AGBL1: variants seen among roughly 807,000 people sequenced by gnomAD.
AGBL1 encodes the protein cytosolic carboxypeptidase 4.
A neutral mutation model predicts 118.9 loss-of-function variants in AGBL1; 130 were observed. The ratio of observed to expected loss-of-function variants is 1.09; its 90% CI spans 0.95 to 1.26. The LOEUF (loss-of-function observed/expected upper bound fraction) is 1.26, where lower values mean the gene tolerates loss of function less well. Ranked by LOEUF, AGBL1 falls within the 50% of genes most tolerant of loss-of-function variation. The pLI, the probability that AGBL1 is intolerant of heterozygous loss-of-function variation, is 0.00. For synonymous variants in AGBL1, 555 were observed against 478.9 expected (o/e 1.16, Z -2.08); for missense variants, 1,584 against 1,298.1 (o/e 1.22, Z -3.38).
chr15:86,373,794 T>TC (rs2081000862), intron 17 of AGBL1, among the ~76,000 whole-genome samples: 1 of 152,332 alleles, frequency 6.6e-6, no homozygotes, highest in Non-Finnish European at 1.5e-5. Context: ...ACAAGGAGTT[T>TC]CTCCTTGAGC....
chr15:86,326,568 GCTTTTCTTTT>G (rs544566980), intron 17 of AGBL1, among the ~76,000 whole-genome samples: 1,894 of 152,186 alleles, frequency 0.012, 45 homozygotes, highest in African/African-American at 0.044. Context: ...AATGTGTATA[GCTTTTCTTTT>G]CTTTTCTTTT....
chr15:86,232,498 A>G (rs16949675), intron 6 of AGBL1, among the ~76,000 whole-genome samples: 37,367 of 152,106 alleles, frequency 0.25, 5,572 homozygotes, highest in African/African-American at 0.42. Flanking sequence ...GCGTGTCTTG[A>G]AGGAAATTAG....
intron 7 of AGBL1, among the ~76,000 whole-genome samples, chr15:86,253,341 C>A (rs1226987473): frequency 6.6e-6 from 1 of 152,152 alleles, no homozygotes; most frequent in Non-Finnish European, 1.5e-5. Flanking sequence ...GCCTCCGCCT[C>A]CTGAGTTCAA....
intron 22 of AGBL1, among the ~76,000 whole-genome samples, chr15:86,725,799 A>G (rs1445897598): frequency 6.6e-6 from 1 of 152,206 alleles, no homozygotes. Flanking sequence ...TTCTGGATGA[A>G]TCAACCCTAA....
intron 1 of AGBL1, among the ~76,000 whole-genome samples, chr15:86,117,809 C>A (rs1053484308): frequency 1.3e-5 from 2 of 152,110 alleles, no homozygotes; most frequent in Non-Finnish European, 2.9e-5. Context: ...AGAAGAACAT[C>A]ATGGTTTTAA....
At chr15:86,719,389 A>T (rs2086683811) in intron 22 of AGBL1, among the ~76,000 whole-genome samples, 1 of 152,176 alleles carries the variant, frequency 6.6e-6, no homozygotes, top group African/African-American at 2.4e-5. Context: ...TGAGCTAAAG[A>T]TGGGGTAGAG....
At chr15:86,287,581 C>A (rs977437605) in intron 16 of AGBL1, among the ~76,000 whole-genome samples, 3 of 152,130 alleles carry the variant, frequency 2.0e-5, no homozygotes, top group African/African-American at 7.2e-5. Context: ...TTTCCCAACA[C>A]CATTTATTGA....
intron 20 of AGBL1, among the ~76,000 whole-genome samples, chr15:86,550,050 A>C (rs2083643573): frequency 1.3e-5 from 2 of 152,176 alleles, no homozygotes; most frequent in Non-Finnish European, 2.9e-5. Flanking sequence ...AAATTATTCA[A>C]TTCAAAGAAC....
intron 17 of AGBL1, among the ~76,000 whole-genome samples, chr15:86,362,032 C>T (rs1450309892): frequency 6.6e-6 from 1 of 152,088 alleles, no homozygotes; most frequent in Non-Finnish European, 1.5e-5. Context: ...CTTCTGTCTT[C>T]CTTTGTATTT....
chr15:86,128,546 C>A (rs975369136), intron 1 of AGBL1, among the ~76,000 whole-genome samples: 22 of 152,240 alleles, frequency 1.4e-4, no homozygotes, highest in Admixed American at 4.6e-4. Flanking sequence ...TCACCAGGCG[C>A]AGAGAATCAG....
intron 22 of AGBL1, among the ~76,000 whole-genome samples, chr15:86,707,914 T>A (rs1216097657): frequency 6.6e-6 from 1 of 152,066 alleles, no homozygotes; most frequent in Non-Finnish European, 1.5e-5. Context: ...GAAATCATAG[T>A]TGGAAATGGA....
intron 6 of AGBL1, among the ~76,000 whole-genome samples, chr15:86,225,888 A>G (rs2078354369): frequency 6.6e-6 from 1 of 152,190 alleles, no homozygotes; most frequent in Non-Finnish European, 1.5e-5. Context: ...AGAAAGAGCC[A>G]AATCACATGC....
chr15:86,339,384 C>T lies in AGBL1; in HGVS notation c.2374+43976C>T, dbSNP rs568002630. ...CTTCTTGAATCTGTAGGTTGTTTATCGCGAAATTTGGCAAGTTTTAAACCA... is the reference window on the plus strand; with the variant it reads ...CTTCTTGAATCTGTAGGTTGTTTATTGCGAAATTTGGCAAGTTTTAAACCA... On this transcript the variant is annotated intron_variant, in intron 17 of 22. Transcript: ENST00000614907. Among the ~76,000 whole-genome samples, 174 of 152,260 alleles carry T rather than the reference C, an allele frequency of 1.1e-3. 2 individuals are homozygous for T. The South Asian group carries it at 0.024, about 21-fold the overall frequency.
At chr15:86,583,268 C>T (rs1311670815) in intron 21 of AGBL1, among the ~76,000 whole-genome samples, 1 of 151,970 alleles carries the variant, frequency 6.6e-6, no homozygotes, top group Admixed American at 6.6e-5. Context: ...CACCAAGGTA[C>T]TGGTACCTAA....
At chr15:86,080,703 A>T (rs555468107) in intron 1 of AGBL1, among the ~76,000 whole-genome samples, 1 of 152,218 alleles carries the variant, frequency 6.6e-6, no homozygotes, top group East Asian at 1.9e-4. Context: ...CATGCTTGGG[A>T]CCCACCCCCA....
chr15:86,943,547 G>A (rs11854284), intron 23 of AGBL1, among the ~76,000 whole-genome samples: 12,488 of 152,084 alleles, frequency 0.082, 660 homozygotes, highest in South Asian at 0.2. Context: ...GACCAGGTGC[G>A]CCATTCACAC....
intron 21 of AGBL1, among the ~76,000 whole-genome samples, chr15:86,570,987 C>G (rs758367433): frequency 2.0e-5 from 3 of 152,140 alleles, no homozygotes; most frequent in Non-Finnish European, 4.4e-5. Flanking sequence ...GTGGTCTGGC[C>G]GTTGCACAGT....
At chr15:87,017,151 G>A (rs2081615097) in intron 24 of AGBL1, among the ~76,000 whole-genome samples, 1 of 152,138 alleles carries the variant, frequency 6.6e-6, no homozygotes, top group African/African-American at 2.4e-5. Context: ...CAAAGTTCCT[G>A]GACAGAGGGG....
intron 17 of AGBL1, among the ~76,000 whole-genome samples, chr15:86,397,104 T>C (rs1452509822): frequency 6.6e-6 from 1 of 152,138 alleles, no homozygotes; most frequent in African/African-American, 2.4e-5. Context: ...TAAAACCTCA[T>C]GCCAATCATG....
Sources: allele counts gnomAD v4.1 joint callset (sites outside exome capture counted in the v4.1 genomes callset), GRCh38; gene constraint gnomAD v4.1.1; transcripts MANE v1.5; gene names NCBI Gene and HGNC (gene_info 2026-07-23, HGNC 2026-07-21).